GOLGA8B: variants seen among roughly 807,000 people sequenced by gnomAD.
The protein encoded by GOLGA8B is golgin subfamily A member 8B.
A neutral mutation model predicts 15.6 loss-of-function variants in GOLGA8B; 1 was observed. The ratio of observed to expected loss-of-function variants is 0.06; its 90% confidence interval spans 0.02 to 0.30. GOLGA8B has a LOEUF of 0.30. Among genes scored for constraint, GOLGA8B ranks in the 10% least tolerant of loss-of-function variants. GOLGA8B has a pLI of 1.00. For missense variants in GOLGA8B, 17 were observed against 201.3 expected (o/e 0.08, Z 5.54); for synonymous variants, 9 against 80.3 (o/e 0.11, Z 4.75).
At chr15:34,583,114 C>A (rs116271799) in intron 1 of GOLGA8B, among the ~76,000 whole-genome samples, 1 of 152,072 alleles carries the variant, frequency 6.6e-6, no homozygotes, top group Non-Finnish European at 1.5e-5. Flanking sequence ...GACTTGATGC[C>A]GGCGTCAAGC....
At chr15:34,581,031 C>T (rs866507268) in intron 1 of GOLGA8B, among the ~76,000 whole-genome samples, 1 of 152,200 alleles carries the variant, frequency 6.6e-6, no homozygotes, top group African/African-American at 2.4e-5. Flanking sequence ...CAGGCTGAAA[C>T]GCAGGGCATG....
chr15:34,566,715 G>C (rs1267044734), intron 1 of GOLGA8B, among the ~76,000 whole-genome samples: 1 of 143,308 alleles, frequency 7.0e-6, no homozygotes, highest in Non-Finnish European at 1.6e-5. Context: ...GTCCAGCCAG[G>C]TCACGGGCAC....
intron 1 of GOLGA8B, among the ~76,000 whole-genome samples, chr15:34,580,884 T>TA (rs1424473338): frequency 6.6e-6 from 1 of 152,128 alleles, no homozygotes; most frequent in African/African-American, 2.4e-5. Context: ...ACACCCTACC[T>TA]GTGTCTCCAT....
chr15:34,577,610 C>T (rs1475725954), intron 1 of GOLGA8B, among the ~76,000 whole-genome samples: 4 of 150,414 alleles, frequency 2.7e-5, no homozygotes, highest in African/African-American at 9.8e-5. Flanking sequence ...TATCATTAGG[C>T]AATTTCATCA....
chr15:34,571,420 A>C (rs763946920), intron 1 of GOLGA8B, among the ~76,000 whole-genome samples: 1 of 152,252 alleles, frequency 6.6e-6, no homozygotes, highest in South Asian at 2.1e-4. Context: ...ATGGCCCTTT[A>C]AGATAACTAA....
chr15:34,557,947 A>T (rs1243762668), intron 1 of GOLGA8B, among the ~76,000 whole-genome samples: 1 of 117,660 alleles, frequency 8.5e-6, no homozygotes, highest in Non-Finnish European at 1.9e-5. Context: ...TCCTAATCCT[A>T]TGTCACATAA....
chr15:34,543,572 T>C (rs1320812189), intron 7 of GOLGA8B, among the ~76,000 whole-genome samples: 1 of 104,642 alleles, frequency 9.6e-6, no homozygotes, highest in Non-Finnish European at 1.9e-5. Flanking sequence ...TCATCATTCC[T>C]GGTGGTCTTA....
chr15:34,545,275 A>C (rs1403815017), intron 6 of GOLGA8B, 103 bp downstream of exon 6: 1 of 102,716 alleles, frequency 9.7e-6, no homozygotes, highest in Non-Finnish European at 1.9e-5. Context: ...ATGAAAAAAA[A>C]ACACTAAAAT....
At chr15:34,575,790 C>T (rs1471167004) in intron 1 of GOLGA8B, among the ~76,000 whole-genome samples, 5 of 152,222 alleles carry the variant, frequency 3.3e-5, no homozygotes, top group African/African-American at 4.8e-5. Context: ...GACCCAGAGC[C>T]AGAATGGGGC....
intron 1 of GOLGA8B, among the ~76,000 whole-genome samples, chr15:34,580,495 A>C (rs916950295): frequency 2.6e-5 from 4 of 152,128 alleles, no homozygotes; most frequent in Non-Finnish European, 5.9e-5. Flanking sequence ...GGTTCCAGAG[A>C]GAGCCTGGCT....
intron 1 of GOLGA8B, among the ~76,000 whole-genome samples, chr15:34,574,120 C>T (rs74007861): frequency 0.035 from 5,377 of 152,150 alleles, 298 homozygotes; most frequent in African/African-American, 0.12. Flanking sequence ...ATCCCCACTC[C>T]CACTGCCCGG....
intron 1 of GOLGA8B, among the ~76,000 whole-genome samples, chr15:34,578,303 C>T (rs1006910784): frequency 6.6e-6 from 1 of 152,222 alleles, no homozygotes; most frequent in Non-Finnish European, 1.5e-5. Flanking sequence ...CGCCCTTTCC[C>T]CATCGCTGTG....
intron 1 of GOLGA8B, among the ~76,000 whole-genome samples, chr15:34,554,407 CAT>C (rs1391488854): frequency 1.4e-4 from 21 of 149,388 alleles, no homozygotes; most frequent in African/African-American, 4.9e-4. Context: ...ACACCACACA[CAT>C]ACCCCATACA....
At chr15:34,556,807 T>C (rs1204898206) in intron 1 of GOLGA8B, 9 of 689,432 alleles carry the variant, frequency 1.3e-5, no homozygotes, top group African/African-American at 1.8e-5. Flanking sequence ...TGAAGTGGCC[T>C]CACGAGCAGG....
Position 34,571,089 on chromosome 15 carries a change from G to A in GOLGA8B, c.-1123+12427C>T, listed in dbSNP as rs1177616938. On this transcript the variant is annotated intron_variant, in intron 1 of 23. Coordinates refer to ENST00000683415, the MANE Select transcript of GOLGA8B (RefSeq NM_001023567.5). ...GCCTGTAATCCCAGAACTTTGGGAG[G>A]CCAAGGCAAGAGGATCACTTAAGCT... Among the ~76,000 whole-genome samples the A allele has an allele frequency of 9.0e-4, 135 of 149,350 alleles. No individual in the cohort carries two copies. In the Middle Eastern group the frequency reaches 0.01, roughly 11 times the overall value.
Position 34,532,344 on chromosome 15 carries a change from G to A in GOLGA8B, c.286-345C>T, listed in dbSNP as rs1311228391. Among the ~76,000 whole-genome samples, 2 of 61,470 alleles carry A rather than the reference G, an allele frequency of 3.3e-5. 1 individual carries two copies. Among genetic ancestry groups the A allele is most frequent in the East Asian group, 1.8e-3 (2 of 1,090 alleles). The allele number at this position is 61,470 out of a possible 152,430, so 40.3% of individuals were successfully genotyped here. A position where few individuals can be genotyped will look rare whatever the true frequency, so the allele number is the denominator to read the frequency against. On this transcript the variant is annotated intron_variant, in intron 11 of 23. Coordinates refer to ENST00000683415, the MANE Select transcript of GOLGA8B (RefSeq NM_001023567.5). ...TACTGAGCACGTACGGGCCAGGGACGGTTCTTCACAGCCGATATAGGATGG... is the reference window on the plus strand; with the variant it reads ...TACTGAGCACGTACGGGCCAGGGACAGTTCTTCACAGCCGATATAGGATGG...
chr15:34,527,172 A>T lies in GOLGA8B; in HGVS notation c.*460T>A. ...TTGAGGGCAAACCGCATATTGAGCTATGGAAGAGCTCACTGTGATTAAGAT... is the reference window on the plus strand; with the variant it reads ...TTGAGGGCAAACCGCATATTGAGCTTTGGAAGAGCTCACTGTGATTAAGAT... On this transcript the variant is annotated 3_prime_UTR_variant, in exon 24 of 24. Coordinates refer to ENST00000683415, the MANE Select transcript of GOLGA8B (RefSeq NM_001023567.5). 1 of 303,080 alleles carries T rather than the reference A, an allele frequency of 3.3e-6. No homozygotes were observed. Among genetic ancestry groups the T allele is most frequent in the South Asian group, 3.0e-5 (1 of 33,384 alleles). The allele number at this position is 303,080 out of a possible 1,614,324, so 18.8% of individuals were successfully genotyped here. A position where few individuals can be genotyped will look rare whatever the true frequency, so the allele number is the denominator to read the frequency against.
intron 1 of GOLGA8B, among the ~76,000 whole-genome samples, chr15:34,563,613 C>G (rs199555619): frequency 0.042 from 5,870 of 140,046 alleles, 4 homozygotes; most frequent in South Asian, 0.13. Context: ...CACTGTAATT[C>G]CCATGGAGCC....
intron 1 of GOLGA8B, among the ~76,000 whole-genome samples, chr15:34,573,990 T>C (rs1338339757): frequency 6.6e-6 from 1 of 151,638 alleles, no homozygotes; most frequent in Admixed American, 6.6e-5. Context: ...CAAGTGCACA[T>C]AAATAAGCCA....
Sources: gnomAD v4.1 joint callset for allele counts (sites outside exome capture counted in the v4.1 genomes callset) on GRCh38, gnomAD v4.1.1 for gene constraint, MANE v1.5 for transcripts, NCBI Gene and HGNC (gene_info 2026-07-23, HGNC 2026-07-21) for gene names.